Variants in AUTS2 observed in about 807,000 individuals in gnomAD.
The protein encoded by AUTS2 is autism susceptibility gene 2 protein.
AUTS2 carries 17 observed loss-of-function variants against 112.4 expected under a neutral mutation model. The ratio of observed to expected loss-of-function variants is 0.15; its 90% CI spans 0.10 to 0.23. The LOEUF (loss-of-function observed/expected upper bound fraction) is 0.23, where lower values mean the gene tolerates loss of function less well. Among genes scored for constraint, AUTS2 ranks in the 10% least tolerant of loss-of-function variants. The pLI, the probability that AUTS2 is intolerant of heterozygous loss-of-function variation, is 1.00. For synonymous variants in AUTS2, 751 were observed against 702.7 expected, an observed-to-expected ratio of 1.07 and a Z score of -1.09; for missense variants, 1,510 against 1,701.6, an observed-to-expected ratio of 0.89 and a Z score of 1.98.
At chr7:69,830,570 A>G (rs932685083) in intron 1 of AUTS2, among the ~76,000 whole-genome samples, 1 of 152,192 alleles carries the variant, frequency 6.6e-6, no homozygotes, top group African/African-American at 2.4e-5. Context: ...AGTTATTTTA[A>G]CAACAGTGAG....
intron 4 of AUTS2, among the ~76,000 whole-genome samples, chr7:70,375,835 T>C (rs1585073761): frequency 6.6e-6 from 1 of 152,134 alleles, no homozygotes; most frequent in East Asian, 1.9e-4. Context: ...AGTCTGTCTT[T>C]CTGCCAAGCT....
chr7:70,411,021 G>A (rs1017332299), intron 4 of AUTS2, among the ~76,000 whole-genome samples: 12 of 151,912 alleles, frequency 7.9e-5, no homozygotes, highest in Non-Finnish European at 1.5e-5. Context: ...CCACCACCAT[G>A]CCTGGCTAAT....
chr7:70,351,519 A>T (rs1315700947), intron 4 of AUTS2, among the ~76,000 whole-genome samples: 1 of 152,064 alleles, frequency 6.6e-6, no homozygotes, highest in Non-Finnish European at 1.5e-5. Context: ...TCTCTTCAAG[A>T]TGTTAATTTC....
At chr7:70,473,144 C>T (rs539926923) in intron 5 of AUTS2, among the ~76,000 whole-genome samples, 6 of 152,200 alleles carry the variant, frequency 3.9e-5, no homozygotes, top group East Asian at 3.9e-4. Context: ...ACGGGAAGGA[C>T]GGGGGAGGGG....
At position 69,845,412 on chromosome 7, in the gene AUTS2, C is replaced by G. The variant is rs558249546; in HGVS notation, c.310-53874C>G. 1.5e-4 allele frequency among the ~76,000 whole-genome samples: 23 copies of G among 152,178 alleles called. No homozygotes were observed. The South Asian group carries it at 3.5e-3, about 23-fold the overall frequency. ...CACTCATGCTTGATTTCCTGAGGCT[C>G]GTCTCATTGCCTCTCTCAGAAACTT... On this transcript the variant is annotated intron_variant, in intron 1 of 18. Transcript: ENST00000342771.
chr7:70,554,397 T>C (rs866059197), intron 5 of AUTS2, among the ~76,000 whole-genome samples: 22 of 144,774 alleles, frequency 1.5e-4, no homozygotes, highest in South Asian at 2.2e-4. Context: ...TTCTTTCTTT[T>C]TTTTTTTTTT....
At chr7:70,426,807 G>A (rs1382366557) in intron 4 of AUTS2, among the ~76,000 whole-genome samples, 1 of 151,044 alleles carries the variant, frequency 6.6e-6, no homozygotes, top group Non-Finnish European at 1.5e-5. Flanking sequence ...GGCTTCCCAG[G>A]CAGAGAAGAA....
At chr7:69,666,899 C>T (rs1453262514) in intron 1 of AUTS2, among the ~76,000 whole-genome samples, 1 of 151,962 alleles carries the variant, frequency 6.6e-6, no homozygotes, top group Non-Finnish European at 1.5e-5. Context: ...GAGACTCTAT[C>T]CCCAAAAACA....
At chr7:70,767,057 A>C (rs1391899230) in intron 9 of AUTS2, among the ~76,000 whole-genome samples, 1 of 152,220 alleles carries the variant, frequency 6.6e-6, no homozygotes, top group African/African-American at 2.4e-5. Context: ...GTGCCATATT[A>C]GAATGCTAAA....
intron 1 of AUTS2, among the ~76,000 whole-genome samples, chr7:69,878,448 A>G (rs567331024): frequency 6.6e-6 from 1 of 152,276 alleles, no homozygotes; most frequent in South Asian, 2.1e-4. Context: ...GTCAAAGCTA[A>G]TCTTTGAGGA....
At chr7:70,750,368 T>C (rs1278977788) in intron 6 of AUTS2, among the ~76,000 whole-genome samples, 1 of 129,132 alleles carries the variant, frequency 7.7e-6, no homozygotes, top group Non-Finnish European at 1.5e-5. Context: ...CTGTTTTCCA[T>C]GCTGGAGTGC....
rs184962401 is a variant in AUTS2, at chr7:69,887,086, C to T, written c.310-12200C>T. The stretch of plus-strand genomic sequence containing the variant: ...AGCCACCGTGCATAGCCAGATTTGA[C>T]ATCTTAAAAGCCAGAGCTAGACATA... On this transcript the variant is annotated intron_variant, in intron 1 of 18. Coordinates refer to ENST00000342771, the MANE Select transcript of AUTS2 (RefSeq NM_015570.4). 2.0e-5 allele frequency among the ~76,000 whole-genome samples: 3 copies of T among 152,242 alleles called. No homozygotes were observed. The East Asian group carries it at 5.8e-4, about 29-fold the overall frequency.
intron 1 of AUTS2, among the ~76,000 whole-genome samples, chr7:69,618,735 C>T (rs1793505395): frequency 6.6e-6 from 1 of 152,114 alleles, no homozygotes; most frequent in Non-Finnish European, 1.5e-5. Context: ...TAAAGCATAA[C>T]ATAGCCAACA....
chr7:70,760,861 G>T (rs150166182), intron 6 of AUTS2, among the ~76,000 whole-genome samples: 110 of 152,354 alleles, frequency 7.2e-4, no homozygotes, highest in African/African-American at 2.5e-3. Flanking sequence ...TTTCATCAGC[G>T]CTTTGCCAAG....
At chr7:70,078,568 A>AC (rs1803148437) in intron 2 of AUTS2, among the ~76,000 whole-genome samples, 1 of 152,058 alleles carries the variant, frequency 6.6e-6, no homozygotes, top group Non-Finnish European at 1.5e-5. Context: ...TGCTCTACCT[A>AC]CCTCATGTCT....
intron 4 of AUTS2, among the ~76,000 whole-genome samples, chr7:70,372,672 TA>T (rs35440586): frequency 0.063 from 9,535 of 150,490 alleles, 376 homozygotes; most frequent in African/African-American, 0.1. Flanking sequence ...TTTTTTTTTT[TA>T]AAATACAAGT....
intron 4 of AUTS2, among the ~76,000 whole-genome samples, chr7:70,280,284 CTT>C (rs530905531): frequency 1.5e-5 from 2 of 135,506 alleles, no homozygotes; most frequent in Non-Finnish European, 1.6e-5. Context: ...TTCTTTCTTT[CTT>C]TTTTTTTTTT....
chr7:70,259,158 G>T (rs541036102), intron 4 of AUTS2, among the ~76,000 whole-genome samples: 2 of 152,186 alleles, frequency 1.3e-5, no homozygotes, highest in Admixed American at 1.3e-4. Context: ...TTTATATTCT[G>T]TCCACGATGC....
intron 6 of AUTS2, among the ~76,000 whole-genome samples, chr7:70,741,685 CT>C (rs1386211756): frequency 6.8e-5 from 10 of 147,442 alleles, no homozygotes; most frequent in African/African-American, 1.8e-4. Context: ...GAGTGAAACT[CT>C]ATCTCAAAAA....
Sources: gnomAD v4.1 joint callset for allele counts (sites outside exome capture counted in the v4.1 genomes callset) on GRCh38, gnomAD v4.1.1 for gene constraint, MANE v1.5 for transcripts, NCBI Gene and HGNC (gene_info 2026-07-23, HGNC 2026-07-21) for gene names.